MAGEC3: variants seen among roughly 807,000 people sequenced by gnomAD.
The protein encoded by MAGEC3 is melanoma-associated antigen C3.
MAGEC3 carries 34 observed loss-of-function variants against 35.3 expected under a neutral mutation model. That is an observed-to-expected ratio of 0.96 (90% CI 0.73 to 1.28). MAGEC3 has a LOEUF of 1.28. MAGEC3 is among the 50% of genes most tolerant of loss of function. The pLI, the probability that MAGEC3 is intolerant of heterozygous loss-of-function variation, is 0.00. For missense variants in MAGEC3, 561 were observed against 483.6 expected, an observed-to-expected ratio of 1.16 and a Z score of -1.50; for synonymous variants, 202 against 185.6, an observed-to-expected ratio of 1.09 and a Z score of -0.72.
chrX:141,854,770 T>A (rs2017770484), intron 1 of MAGEC3, among the ~76,000 whole-genome samples: 1 of 111,652 alleles, frequency 9.0e-6, no homozygotes, highest in African/African-American at 3.3e-5. Flanking sequence ...TGGTGATGAA[T>A]GTTCCAGTCA....
chrX:141,896,752 G>A (rs1008085510), intron 6 of MAGEC3, 130 bp from the exon 7 acceptor site: 2 of 1,209,388 alleles, frequency 1.7e-6, no homozygotes, highest in Admixed American at 2.2e-5. Context: ...TTCCATAGAT[G>A]AGGAGGAGGA....
At chrX:141,859,511 A>C (rs190825233) in intron 1 of MAGEC3, among the ~76,000 whole-genome samples, 1 of 111,694 alleles carries the variant, frequency 9.0e-6, no homozygotes, top group East Asian at 2.8e-4. Flanking sequence ...TACAGATATT[A>C]ATCTTTTGTC....
Position 141,863,300 on chromosome X carries a change from G to C in MAGEC3, c.124-2171G>C, listed in dbSNP as rs566572750. On this transcript the variant is annotated intron_variant, in intron 1 of 7. Coordinates refer to ENST00000298296, the MANE Select transcript of MAGEC3 (RefSeq NM_138702.1). ...AGAGACAATGCAAGGATAAGTTGTT[G>C]TTGGAGGTTCGTTGGAAGGAGGAAG... Among the ~76,000 whole-genome samples the C allele has an allele frequency of 4.9e-4, 55 of 111,257 alleles. No individual in the cohort carries two copies. In the South Asian group the frequency reaches 0.02, roughly 41 times the overall value.
At chrX:141,851,274 A>G (rs958877929) in intron 1 of MAGEC3, among the ~76,000 whole-genome samples, 2 of 110,286 alleles carry the variant, frequency 1.8e-5, no homozygotes, top group Admixed American at 9.7e-5. Context: ...AGGTAAATTG[A>G]TGATGAAAAT....
chrX:141,893,769 CTG>C (rs1231619892), intron 4 of MAGEC3, among the ~76,000 whole-genome samples: 1 of 105,872 alleles, frequency 9.4e-6, no homozygotes, highest in East Asian at 3.0e-4. Context: ...AGTTTTCTCT[CTG>C]TATTTTTGGA....
intron 4 of MAGEC3, among the ~76,000 whole-genome samples, chrX:141,887,743 A>G (rs1218467280): frequency 4.5e-5 from 5 of 112,025 alleles, no homozygotes; most frequent in Non-Finnish European, 7.5e-5. Context: ...AGCAGATCCA[A>G]TGCTGCTTGA....
intron 1 of MAGEC3, among the ~76,000 whole-genome samples, chrX:141,856,630 G>A (rs768112731): frequency 9.0e-6 from 1 of 111,147 alleles, no homozygotes; most frequent in East Asian, 2.9e-4. Flanking sequence ...CATTATTCAC[G>A]ATAGCCAACA....
rs929356439 is a variant in MAGEC3, at chrX:141,838,799, A to T, written c.123+361A>T. The stretch of plus-strand genomic sequence containing the variant: ...CGCCTTCGTCCCACCTCTGCACCAG[A>T]TGCTGTAGTCTGTAGTCACTGATGC... On this transcript the variant is annotated intron_variant, in intron 1 of 7. Coordinates refer to ENST00000298296, the MANE Select transcript of MAGEC3 (RefSeq NM_138702.1). 6.7e-6 allele frequency: 5 copies of T among 751,531 alleles called. No homozygotes were observed. The Admixed American group carries it at 4.5e-4, about 67-fold the overall frequency. The allele number at this position is 751,531 out of a possible 1,213,427, so 61.9% of individuals were successfully genotyped here.
chrX:141,846,267 G>T, intron 1 of MAGEC3, among the ~76,000 whole-genome samples: 1 of 107,558 alleles, frequency 9.3e-6, no homozygotes, highest in Non-Finnish European at 1.9e-5. Flanking sequence ...CCAACTGATA[G>T]GATAATGTAC....
intron 7 of MAGEC3, 24 bp downstream of exon 7, chrX:141,897,510 T>C: frequency 8.4e-7 from 1 of 1,196,939 alleles, no homozygotes; most frequent in Non-Finnish European, 1.1e-6. Flanking sequence ...GGGAGCACTT[T>C]ATATATGGGG....
At chrX:141,857,380 G>C (rs746690115) in intron 1 of MAGEC3, among the ~76,000 whole-genome samples, 5 of 110,615 alleles carry the variant, frequency 4.5e-5, no homozygotes, top group Non-Finnish European at 9.5e-5. Flanking sequence ...AGGATAACTG[G>C]GTCCCTTCAG....
At chrX:141,861,620 C>T (rs1347025310) in intron 1 of MAGEC3, among the ~76,000 whole-genome samples, 3 of 111,169 alleles carry the variant, frequency 2.7e-5, no homozygotes, top group Non-Finnish European at 5.7e-5. Context: ...AAAAACAAAT[C>T]CATATATTTA....
At chrX:141,897,601 C>T (rs779725065) in intron 7 of MAGEC3, 28 bp from the exon 8 acceptor site, 77 of 1,198,608 alleles carry the variant, frequency 6.4e-5, no homozygotes, top group Non-Finnish European at 5.4e-5. Context: ...TGCTCCTCCA[C>T]GTTATGAATT....
chrX:141,876,809 A>C (rs774695470), intron 2 of MAGEC3, among the ~76,000 whole-genome samples: 1 of 111,966 alleles, frequency 8.9e-6, no homozygotes, highest in African/African-American at 3.2e-5. Context: ...TCCTGTTCTA[A>C]AGCTGCAAGT....
At chrX:141,881,130 C>G (rs1436925460) in intron 3 of MAGEC3, among the ~76,000 whole-genome samples, 2 of 110,759 alleles carry the variant, frequency 1.8e-5, no homozygotes, top group African/African-American at 6.6e-5. Context: ...ACTTATTATT[C>G]CCCTCCTCTT....
intron 2 of MAGEC3, among the ~76,000 whole-genome samples, chrX:141,869,038 C>A (rs937081128): frequency 9.2e-6 from 1 of 108,964 alleles, no homozygotes; most frequent in African/African-American, 3.3e-5. Flanking sequence ...CCCGCCACCC[C>A]ACCTGGCTAA....
Position 141,879,271 on chromosome X carries a change from T to G in MAGEC3, c.355T>G (p.Ser119Ala). 1 of 1,206,031 alleles carries G rather than the reference T, an allele frequency of 8.3e-7. No individual in the cohort carries two copies. Among genetic ancestry groups the G allele is most frequent in the Non-Finnish European group, 1.1e-6 (1 of 892,696 alleles). ...EGKFSLRRAV[S>A]VKQREEPQDW... is the part of the protein sequence containing the mutation. ...GAAGTTTTCTCTGAGGAGGGCAGTT[T>G]CAGTTAAGCAGAGGGAGGAACCCCA... The change falls in exon 3 of 8, where the codon TCA (serine) becomes GCA (alanine). Residue 119 changes from serine to alanine, a missense_variant. Transcript: ENST00000298296.
chrX:141,878,383 GTCA>G (rs2017933914), intron 2 of MAGEC3, among the ~76,000 whole-genome samples: 1 of 111,972 alleles, frequency 8.9e-6, no homozygotes, highest in South Asian at 3.7e-4. Context: ...ATGTTATACT[GTCA>G]TCATGAGAAG....
intron 4 of MAGEC3, among the ~76,000 whole-genome samples, chrX:141,891,397 T>G (rs953966697): frequency 1.8e-5 from 2 of 111,394 alleles, no homozygotes; most frequent in East Asian, 5.6e-4. Flanking sequence ...GGAAATGTTT[T>G]CATTCCATTA....
Sources: gnomAD v4.1 joint callset for allele counts (sites outside exome capture counted in the v4.1 genomes callset) on GRCh38, gnomAD v4.1.1 for gene constraint, MANE v1.5 for transcripts, NCBI Gene and HGNC (gene_info 2026-07-23, HGNC 2026-07-21) for gene names.